The following GPR160 variants were observed in gnomAD, a reference collection of about 807,000 sequenced individuals.
GPR160 encodes G protein-coupled receptor 160, also known as probable G protein-coupled receptor 160.
In GPR160, 2 loss-of-function variants were observed where a neutral mutation model predicts 2.6. That is an observed-to-expected ratio of 0.77 (90% CI 0.32 to 2.44). The LOEUF (loss-of-function observed/expected upper bound fraction) is 2.44, where lower values mean the gene tolerates loss of function less well. GPR160 is among the 30% of genes most tolerant of loss of function. The pLI is 0.11. For synonymous variants in GPR160, 130 were observed against 132.2 expected, an observed-to-expected ratio of 0.98 and a Z score of 0.12; for missense variants, 351 against 383.6, an observed-to-expected ratio of 0.91 and a Z score of 0.71.
chr3:170,060,054 TA>T (rs141994595), intron 2 of GPR160, among the ~76,000 whole-genome samples: 3 of 151,534 alleles, frequency 2.0e-5, no homozygotes, highest in Non-Finnish European at 2.9e-5. Flanking sequence ...CATATTTTCC[TA>T]AAAAAAACAG....
At chr3:170,052,904 A>C (rs553407235) in intron 2 of GPR160, among the ~76,000 whole-genome samples, 1 of 152,118 alleles carries the variant, frequency 6.6e-6, no homozygotes, top group African/African-American at 2.4e-5. Flanking sequence ...TGTGAAGTGG[A>C]GTTAAGGTCC....
Position 170,083,172 on chromosome 3 carries a change from T to C in GPR160, c.-68-733T>C, listed in dbSNP as rs779378628. ...CATCATCTTTTTCCTGCTTCCAAAATGTATGTATCACTGAAGCCTCAACTC... is the reference window on the plus strand; with the variant it reads ...CATCATCTTTTTCCTGCTTCCAAAACGTATGTATCACTGAAGCCTCAACTC... On this transcript the variant is annotated intron_variant, in intron 3 of 3. Coordinates refer to ENST00000355897, the MANE Select transcript of GPR160 (RefSeq NM_014373.3). 6.6e-5 allele frequency among the ~76,000 whole-genome samples: 10 copies of C among 152,148 alleles called. No homozygotes were observed. In the Middle Eastern group the frequency reaches 0.01, roughly 155 times the overall value.
intron 2 of GPR160, chr3:170,077,846 C>T (rs1712941099): frequency 1.3e-5 from 2 of 159,820 alleles, no homozygotes; most frequent in South Asian, 1.7e-4. Flanking sequence ...TGGCCAGGGT[C>T]TGTGGGACAG....
At chr3:170,064,409 G>C (rs1235806817) in intron 2 of GPR160, among the ~76,000 whole-genome samples, 1 of 152,042 alleles carries the variant, frequency 6.6e-6, no homozygotes, top group Non-Finnish European at 1.5e-5. Context: ...CGAGACCCCC[G>C]GGAATCTAAG....
In GPR160 at chr3:170,038,062, C is replaced by T. The variant is rs1716266084; in HGVS notation, c.-475C>T. ...CGCGGGGTCCCGGGGCCGTGCTCCC[C>T]TGCCCCTCCCGGGAGCGCGCGGGGC... On this transcript the variant is annotated 5_prime_UTR_variant, in exon 1 of 4. Transcript: ENST00000355897. The surrounding 1 kb of genome is among the most constrained non-coding windows in gnomAD (Gnocchi z 5.3). 2 of 152,798 alleles carry T rather than the reference C, an allele frequency of 1.3e-5. No homozygotes were observed. Among genetic ancestry groups the T allele is most frequent in the African/African-American group, 2.4e-5 (1 of 41,442 alleles). 9.5% of individuals were successfully genotyped at this position (152,798 alleles called of 1,614,324 possible).
chr3:170,043,284 C>T (rs1006815947), intron 2 of GPR160, among the ~76,000 whole-genome samples: 1 of 152,140 alleles, frequency 6.6e-6, no homozygotes, highest in African/African-American at 2.4e-5. Context: ...TGGGTTCAAG[C>T]AGTTCTCCTG....
In GPR160 at chr3:170,039,021, C is replaced by T. The variant is rs1456548652; in HGVS notation, c.-215C>T. The T allele has an allele frequency of 6.6e-6, 1 of 152,028 alleles. No individual in the cohort carries two copies. The highest frequency in any genetic ancestry group is 2.4e-5 in the African/African-American group (1 of 41,370). The allele number at this position is 152,028 out of a possible 1,614,324, so 9.4% of individuals were successfully genotyped here. A position where few individuals can be genotyped will look rare whatever the true frequency, so the allele number is the denominator to read the frequency against. On this transcript the variant is annotated 5_prime_UTR_variant, in exon 2 of 4. Coordinates refer to ENST00000355897, the MANE Select transcript of GPR160 (RefSeq NM_014373.3). ...TGGAAGGAACCGCTCTCGCTTCGTC[C>T]TACACTTGCGCAAATGTCTCCGGTA...
At chr3:170,053,058 T>C (rs1174672800) in intron 2 of GPR160, among the ~76,000 whole-genome samples, 2 of 148,868 alleles carry the variant, frequency 1.3e-5, no homozygotes, top group African/African-American at 5.0e-5. Context: ...AGTTCTATAA[T>C]TTATAAGTCT....
In GPR160 at chr3:170,038,864, C is replaced by G. The variant is rs1716318118; in HGVS notation, c.-321-51C>G. 6.6e-6 allele frequency: 1 copy of G among 152,030 alleles called. No individual in the cohort carries two copies. Among genetic ancestry groups the G allele is most frequent in the Non-Finnish European group, 1.5e-5 (1 of 68,014 alleles). 9.4% of individuals were successfully genotyped at this position (152,030 alleles called of 1,614,324 possible). ...CTCAAAATTCCCTCTAGATTACCTG[C>G]GACCACCCCCAGGAACCCGGAGACT... On this transcript the variant is annotated intron_variant, in intron 1 of 3. Coordinates refer to ENST00000355897, the MANE Select transcript of GPR160 (RefSeq NM_014373.3). The surrounding 1 kb of genome is among the most constrained non-coding windows in gnomAD (Gnocchi z 5.3).
At chr3:170,057,633 G>T (rs1429155428) in intron 2 of GPR160, among the ~76,000 whole-genome samples, 1 of 152,226 alleles carries the variant, frequency 6.6e-6, no homozygotes, top group Non-Finnish European at 1.5e-5. Context: ...TAAGAAGGAA[G>T]GCTGGAAAAG....
Position 170,085,100 on chromosome 3 carries a change from G to A in GPR160, c.*111G>A, listed in dbSNP as rs1057140436. 6.0e-6 allele frequency: 3 copies of A among 501,890 alleles called. No individual in the cohort carries two copies. In the African/African-American group the frequency reaches 6.0e-5, roughly 10 times the overall value. 31.1% of individuals were successfully genotyped at this position (501,890 alleles called of 1,614,324 possible). On this transcript the variant is annotated 3_prime_UTR_variant, in exon 4 of 4. Coordinates refer to ENST00000355897, the MANE Select transcript of GPR160 (RefSeq NM_014373.3). ...CTAAAACAACTTTTGCCCCCTGACT[G>A]ATAGCATTTCAGAATGTGTCTTTTG...
chr3:170,039,721 T>C (rs902865797), intron 2 of GPR160, among the ~76,000 whole-genome samples: 2 of 152,108 alleles, frequency 1.3e-5, no homozygotes, highest in South Asian at 4.1e-4. Flanking sequence ...AATAAATAAA[T>C]AAATAAGGAG....
At chr3:170,058,284 C>T (rs1325080847) in intron 2 of GPR160, among the ~76,000 whole-genome samples, 3 of 152,086 alleles carry the variant, frequency 2.0e-5, no homozygotes, top group South Asian at 2.1e-4. Context: ...ACCCAGCTGA[C>T]GGCACCCATA....
At chr3:170,062,562 G>T in intron 2 of GPR160, 1 of 785,880 alleles carries the variant, frequency 1.3e-6, no homozygotes, top group Non-Finnish European at 2.2e-6. Flanking sequence ...GACGCCAGGA[G>T]AGGACCCCTC....
intron 3 of GPR160, among the ~76,000 whole-genome samples, chr3:170,080,131 A>G (rs1245007040): frequency 6.6e-6 from 1 of 152,216 alleles, no homozygotes; most frequent in Non-Finnish European, 1.5e-5. Context: ...AGATCTTGTA[A>G]ATCTCTTGAG....
chr3:170,066,093 A>G (rs1383829219), intron 2 of GPR160, among the ~76,000 whole-genome samples: 1 of 138,572 alleles, frequency 7.2e-6, no homozygotes, highest in African/African-American at 2.8e-5. Flanking sequence ...CTTCATGTAT[A>G]TATAGAAGAT....
intron 2 of GPR160, among the ~76,000 whole-genome samples, chr3:170,073,881 A>ATTTTT (rs35575462): frequency 1.2e-3 from 97 of 81,844 alleles, no homozygotes; most frequent in Middle Eastern, 0.01. Flanking sequence ...TTTAATAGGG[A>ATTTTT]TTTTTTTTTT....
chr3:170,053,365 T>G (rs899339283), intron 2 of GPR160, among the ~76,000 whole-genome samples: 2 of 152,150 alleles, frequency 1.3e-5, no homozygotes, highest in Admixed American at 6.6e-5. Flanking sequence ...TTATTCTTAT[T>G]TTATGTTTTT....
At chr3:170,071,182 T>C (rs1460683737) in intron 2 of GPR160, among the ~76,000 whole-genome samples, 1 of 152,188 alleles carries the variant, frequency 6.6e-6, no homozygotes, top group Non-Finnish European at 1.5e-5. Context: ...CCAAATCTCA[T>C]GTTAAAATGT....
Sources: allele counts gnomAD v4.1 joint callset (sites outside exome capture counted in the v4.1 genomes callset), GRCh38; gene constraint gnomAD v4.1.1; non-coding constraint Gnocchi (gnomAD v3.1); transcripts MANE v1.5; gene names NCBI Gene and HGNC (gene_info 2026-07-23, HGNC 2026-07-21).